NXPE2: variants seen among roughly 807,000 people sequenced by gnomAD.
NXPE2 encodes NXPE family member 2.
Under a neutral mutation model 34.4 loss-of-function variants are expected in NXPE2, and 34 were observed. The ratio of observed to expected loss-of-function variants is 0.99; its 90% CI spans 0.75 to 1.31. The LOEUF (loss-of-function observed/expected upper bound fraction) is 1.31. NXPE2 is among the 40% of genes most tolerant of loss of function. The pLI is 0.00. For synonymous variants in NXPE2, 235 were observed against 231.3 expected (o/e 1.02, Z -0.15); for missense variants, 649 against 672.5 (o/e 0.97, Z 0.39).
At chr11:114,680,621 A>G (rs1316232002) in intron 2 of NXPE2, among the ~76,000 whole-genome samples, 1 of 151,940 alleles carries the variant, frequency 6.6e-6, no homozygotes, top group Non-Finnish European at 1.5e-5. Flanking sequence ...TTAGTGTTTC[A>G]CAAAGTGAAG....
At chr11:114,727,191 G>A in the NXPE2 span, among the ~76,000 whole-genome samples, 2 of 151,990 alleles carry the variant, frequency 1.3e-5, no homozygotes, top group Non-Finnish European at 2.9e-5. Context: ...ATACTGGGGG[G>A]CTTATAAACA....
chr11:114,652,736 G>A, the NXPE2 span, among the ~76,000 whole-genome samples: 1 of 144,212 alleles, frequency 6.9e-6, no homozygotes, highest in Non-Finnish European at 1.5e-5. Context: ...GAGTGATAGA[G>A]CACAGTCAAG....
the NXPE2 span, chr11:114,551,537 C>G: frequency 1.8e-5 from 7 of 388,226 alleles, no homozygotes; most frequent in Non-Finnish European, 2.2e-5. Context: ...AAGCAGAAAA[C>G]TTAATTCATC....
At chr11:114,785,973 G>A in the NXPE2 span, among the ~76,000 whole-genome samples, 1 of 152,138 alleles carries the variant, frequency 6.6e-6, no homozygotes, top group African/African-American at 2.4e-5. Flanking sequence ...CTATTAGATA[G>A]TGTAAAAAAA....
chr11:114,690,813 G>A (rs751249874), intron 2 of NXPE2, among the ~76,000 whole-genome samples: 2 of 151,724 alleles, frequency 1.3e-5, no homozygotes, highest in African/African-American at 2.4e-5. Context: ...TGTCTGAGTG[G>A]TTCATTGAAA....
the NXPE2 span, among the ~76,000 whole-genome samples, chr11:114,609,966 G>C: frequency 6.6e-6 from 1 of 151,160 alleles, no homozygotes; most frequent in Non-Finnish European, 1.5e-5. Flanking sequence ...TTACACGGTG[G>C]ATAATAGTTG....
the NXPE2 span, among the ~76,000 whole-genome samples, chr11:114,477,490 G>C: frequency 6.6e-6 from 1 of 151,954 alleles, no homozygotes; most frequent in Non-Finnish European, 1.5e-5. Context: ...AAATTTGGCA[G>C]GTATACCTTA....
the NXPE2 span, among the ~76,000 whole-genome samples, chr11:114,519,760 G>A: frequency 1.3e-5 from 2 of 152,012 alleles, no homozygotes; most frequent in African/African-American, 2.4e-5. Flanking sequence ...AAAGAATTTT[G>A]TGTATGTATC....
the NXPE2 span, among the ~76,000 whole-genome samples, chr11:114,638,886 C>T: frequency 6.7e-6 from 1 of 150,198 alleles, no homozygotes; most frequent in Non-Finnish European, 1.5e-5. Context: ...TGGGGGGTGC[C>T]TCCTAGTTAG....
the NXPE2 span, among the ~76,000 whole-genome samples, chr11:114,633,383 A>G: frequency 1.4e-5 from 2 of 143,808 alleles, no homozygotes; most frequent in African/African-American, 2.5e-5. Context: ...ATTATGTATT[A>G]TATTATATAT....
the NXPE2 span, among the ~76,000 whole-genome samples, chr11:114,734,865 T>G: frequency 2.1e-4 from 32 of 152,256 alleles, no homozygotes; most frequent in African/African-American, 7.5e-4. Flanking sequence ...TCCCAGCACT[T>G]TGGGAGGCCG....
At chr11:114,741,053 T>A in the NXPE2 span, among the ~76,000 whole-genome samples, 1 of 152,210 alleles carries the variant, frequency 6.6e-6, no homozygotes, top group Non-Finnish European at 1.5e-5. Flanking sequence ...GGAAAGTCTT[T>A]ATCTCTTCCT....
rs1951426867 is a variant in NXPE2 at position 114,704,110 on chromosome 11, C to T, written c.928+58C>T. On this transcript the variant is annotated intron_variant, in intron 4 of 5. Transcript: ENST00000389586. ...ACAATTTATCCACGGAAAGGACATG[C>T]TTACTTAGAGATATTTATTCCACAT... 7 of 1,217,708 alleles carry T rather than the reference C, an allele frequency of 5.7e-6. No homozygotes were observed. In the East Asian group the frequency reaches 1.8e-4, roughly 31 times the overall value. The allele number at this position is 1,217,708 out of a possible 1,614,324, so 75.4% of individuals were successfully genotyped here. A position where few individuals can be genotyped will look rare whatever the true frequency, so the allele number is the denominator to read the frequency against.
the NXPE2 span, among the ~76,000 whole-genome samples, chr11:114,800,062 A>G: frequency 7.2e-5 from 11 of 152,162 alleles, no homozygotes; most frequent in Admixed American, 3.3e-4. Context: ...TTTGGATCCA[A>G]TGCAATTGTG....
At chr11:114,604,967 A>C in the NXPE2 span, among the ~76,000 whole-genome samples, 1 of 147,794 alleles carries the variant, frequency 6.8e-6, no homozygotes, top group African/African-American at 2.5e-5. Flanking sequence ...TGTTGCCTCT[A>C]GGGTAACCAC....
the NXPE2 span, among the ~76,000 whole-genome samples, chr11:114,798,860 C>G: frequency 6.6e-6 from 1 of 152,162 alleles, no homozygotes; most frequent in Non-Finnish European, 1.5e-5. Context: ...TCAATCTGTA[C>G]CTTCCCAGGC....
At chr11:114,592,678 A>G in the NXPE2 span, among the ~76,000 whole-genome samples, 2 of 152,178 alleles carry the variant, frequency 1.3e-5, no homozygotes, top group African/African-American at 4.8e-5. Context: ...TAGAAAAACA[A>G]TTCTAAAATC....
the NXPE2 span, among the ~76,000 whole-genome samples, chr11:114,492,397 T>C: frequency 6.6e-6 from 1 of 152,186 alleles, no homozygotes; most frequent in Non-Finnish European, 1.5e-5. Context: ...AAGGCTTTTT[T>C]GTGGCCTAAC....
the NXPE2 span, among the ~76,000 whole-genome samples, chr11:114,755,613 T>C: frequency 6.6e-6 from 1 of 152,198 alleles, no homozygotes; most frequent in African/African-American, 2.4e-5. Context: ...TCCATGTATC[T>C]ATTTATCCAT....
Sources: gnomAD v4.1 joint callset for allele counts (sites outside exome capture counted in the v4.1 genomes callset) on GRCh38, gnomAD v4.1.1 for gene constraint, MANE v1.5 for transcripts, NCBI Gene and HGNC (gene_info 2026-07-23, HGNC 2026-07-21) for gene names.